Variants in PDE1C observed in about 807,000 individuals in gnomAD.
PDE1C encodes phosphodiesterase 1C.
In PDE1C, 62 loss-of-function variants were observed where a neutral mutation model predicts 93.1. The ratio of observed to expected loss-of-function variants is 0.67; its 90% CI spans 0.54 to 0.82. The LOEUF is 0.82. Ranked by LOEUF, PDE1C falls within the 40% of genes least tolerant of loss-of-function variation. The pLI, the probability that PDE1C is intolerant of heterozygous loss-of-function variation, is 0.00. For missense variants in PDE1C, 742 were observed against 884.6 expected, an observed-to-expected ratio of 0.84 and a Z score of 2.04; for synonymous variants, 325 against 310.1, an observed-to-expected ratio of 1.05 and a Z score of -0.50.
chr7:31,970,417 C>G (rs1044861024), intron 2 of PDE1C, among the ~76,000 whole-genome samples: 3 of 152,182 alleles, frequency 2.0e-5, no homozygotes, highest in Non-Finnish European at 4.4e-5. Context: ...AAAGTGACAA[C>G]ACACCTGTGA....
intron 2 of PDE1C, among the ~76,000 whole-genome samples, chr7:31,985,139 C>T (rs998892927): frequency 2.0e-5 from 3 of 152,116 alleles, no homozygotes. Flanking sequence ...GGTTTATCAG[C>T]GCACGGACAA....
At chr7:31,916,778 G>A (rs1211283556) in intron 2 of PDE1C, among the ~76,000 whole-genome samples, 1 of 152,140 alleles carries the variant, frequency 6.6e-6, no homozygotes, top group Non-Finnish European at 1.5e-5. Context: ...ATTATGATAA[G>A]TGTGAAGCAT....
intron 1 of PDE1C, among the ~76,000 whole-genome samples, chr7:32,235,057 T>G (rs760494769): frequency 6.6e-6 from 1 of 152,018 alleles, no homozygotes; most frequent in Non-Finnish European, 1.5e-5. Context: ...TAAACATCTG[T>G]TCATGATGAA....
chr7:31,821,641 C>T (rs535877677), intron 14 of PDE1C, among the ~76,000 whole-genome samples: 1 of 152,222 alleles, frequency 6.6e-6, no homozygotes, highest in African/African-American at 2.4e-5. Flanking sequence ...CCCTCCATAG[C>T]TCAGGGTGCA....
intron 1 of PDE1C, among the ~76,000 whole-genome samples, chr7:32,364,985 C>G (rs1784203924): frequency 1.3e-5 from 2 of 152,246 alleles, no homozygotes; most frequent in South Asian, 4.1e-4. Context: ...CACATGCTTT[C>G]CTCAAGTGGG....
Position 31,945,936 on chromosome 7 carries a change from T to C in PDE1C, c.129-65076A>G, listed in dbSNP as rs183876591. 3.7e-3 allele frequency among the ~76,000 whole-genome samples: 557 copies of C among 152,312 alleles called. 2 individuals carry two copies. The highest frequency in any genetic ancestry group is 0.012 in the African/African-American group (514 of 41,568). ...ACCCATTTTAAGTTTACTGATTCTTTCCTTGGATAGTTGATTTCACTTTGA... is the reference window on the plus strand; with the variant it reads ...ACCCATTTTAAGTTTACTGATTCTTCCCTTGGATAGTTGATTTCACTTTGA... On this transcript the variant is annotated intron_variant, in intron 2 of 17. Transcript: ENST00000396191.
the PDE1C span, among the ~76,000 whole-genome samples, chr7:31,630,265 T>C: frequency 6.6e-4 from 68 of 103,040 alleles, no homozygotes; most frequent in Admixed American, 2.3e-3. Context: ...AAAAAAAACA[T>C]TGAAAATTAA....
chr7:32,363,325 A>G (rs1337688100), intron 1 of PDE1C, among the ~76,000 whole-genome samples: 1 of 152,256 alleles, frequency 6.6e-6, no homozygotes, highest in Non-Finnish European at 1.5e-5. Context: ...ACAGTCTCAA[A>G]GAAGCTAAAA....
intron 1 of PDE1C, among the ~76,000 whole-genome samples, chr7:32,061,096 C>G (rs1285727560): frequency 6.6e-6 from 1 of 152,142 alleles, no homozygotes; most frequent in East Asian, 1.9e-4. Context: ...TAGGAAAAGT[C>G]TTGGTTATTT....
the PDE1C span, among the ~76,000 whole-genome samples, chr7:31,673,535 C>G: frequency 8.6e-5 from 13 of 151,920 alleles, no homozygotes; most frequent in Admixed American, 5.9e-4. Flanking sequence ...AAATTTTTCT[C>G]ATGTGTTTTA....
chr7:31,742,538 C>G, the PDE1C span, among the ~76,000 whole-genome samples: 1 of 152,158 alleles, frequency 6.6e-6, no homozygotes, highest in East Asian at 1.9e-4. Context: ...GACCCTATCT[C>G]TAAAATTATT....
Position 31,948,278 on chromosome 7 carries a change from T to G in PDE1C, c.129-67418A>C, listed in dbSNP as rs1225188391. Among the ~76,000 whole-genome samples, 4 of 152,266 alleles carry G rather than the reference T, an allele frequency of 2.6e-5. No homozygotes were observed. In the East Asian group the frequency reaches 7.7e-4, roughly 29 times the overall value. On this transcript the variant is annotated intron_variant, in intron 2 of 17. Coordinates refer to ENST00000396191, the MANE Select transcript of PDE1C (RefSeq NM_001191057.4). ...CAATAGAGTTATGTGTACTTTGGAC[T>G]TGACTAACAGAAACTCTCTTATGTG...
At chr7:32,292,896 C>T (rs1562655917) in intron 1 of PDE1C, among the ~76,000 whole-genome samples, 1 of 152,282 alleles carries the variant, frequency 6.6e-6, no homozygotes, top group African/African-American at 2.4e-5. Flanking sequence ...TGTGTGGCTC[C>T]GGAAAGTGCA....
At chr7:31,880,615 G>A in intron 3 of PDE1C, 132 bp downstream of exon 3, 2 of 610,660 alleles carry the variant, frequency 3.3e-6, no homozygotes, top group Non-Finnish European at 5.8e-6. Context: ...CTCTTTGTTT[G>A]TGGAAACTAA....
At chr7:31,819,949 C>A (rs12701139) in intron 14 of PDE1C, among the ~76,000 whole-genome samples, 20,329 of 152,032 alleles carry the variant, frequency 0.13, 1,709 homozygotes, top group Middle Eastern at 0.22. Flanking sequence ...TATACAAGAA[C>A]AAAGAAAGGT....
At chr7:32,266,919 GT>G (rs369403540) in intron 1 of PDE1C, among the ~76,000 whole-genome samples, 16,465 of 140,092 alleles carry the variant, frequency 0.12, 951 homozygotes, top group African/African-American at 0.16. Context: ...GGGTGGGGGG[GT>G]GCGCTGGAGA....
chr7:31,836,334 T>A (rs956345716), intron 11 of PDE1C, among the ~76,000 whole-genome samples: 1 of 141,548 alleles, frequency 7.1e-6, no homozygotes, highest in Non-Finnish European at 1.6e-5. Context: ...AGATCCTGCC[T>A]GTTCTTTTTT....
At chr7:32,224,927 C>G (rs1259829198) in intron 1 of PDE1C, among the ~76,000 whole-genome samples, 14 of 151,590 alleles carry the variant, frequency 9.2e-5, no homozygotes. Flanking sequence ...CAGCTATGGT[C>G]TCTGGAAGGG....
At chr7:32,165,168 T>C (rs902553846) in intron 3 of PDE1C, among the ~76,000 whole-genome samples, 1 of 152,242 alleles carries the variant, frequency 6.6e-6, no homozygotes, top group East Asian at 1.9e-4. Flanking sequence ...AACCCATGTT[T>C]GATCCTATTT....
Sources: gnomAD v4.1 joint callset for allele counts (sites outside exome capture counted in the v4.1 genomes callset) on GRCh38, gnomAD v4.1.1 for gene constraint, MANE v1.5 for transcripts, NCBI Gene and HGNC (gene_info 2026-07-23, HGNC 2026-07-21) for gene names.